Variants in FER observed in about 807,000 individuals in gnomAD.
FER encodes tyrosine-protein kinase Fer.
A neutral mutation model predicts 111.0 loss-of-function variants in FER; 63 were observed. The observed-to-expected ratio is 0.57, with a 90% CI of 0.46 to 0.70. The LOEUF (loss-of-function observed/expected upper bound fraction) is 0.70, where lower values mean the gene tolerates loss of function less well. Among genes scored for constraint, FER ranks in the 30% least tolerant of loss-of-function variants. The probability of loss-of-function intolerance (pLI) is 0.00; values close to 1 mark genes in which losing one functional copy is unlikely to be tolerated. For synonymous variants in FER, 327 were observed against 313.9 expected (o/e 1.04, Z -0.44); for missense variants, 914 against 954.0 (o/e 0.96, Z 0.55).
chr5:108,886,658 C>T (rs1747219444), intron 9 of FER, among the ~76,000 whole-genome samples: 1 of 151,490 alleles, frequency 6.6e-6, no homozygotes, highest in African/African-American at 2.4e-5. Context: ...TTTGCTTGAT[C>T]TTATGATTTT....
chr5:109,188,552 A>G lies in FER; in HGVS notation c.*977A>G, dbSNP rs1446178394. On this transcript the variant is annotated 3_prime_UTR_variant, in exon 20 of 20. Coordinates refer to ENST00000281092, the MANE Select transcript of FER (RefSeq NM_005246.4). The stretch of plus-strand genomic sequence containing the variant: ...AGCTAAAGAATGATTAACAGAGTAA[A>G]GAAGAAAGTGAAAATATAAAACCAC... 1 of 152,092 alleles carries G rather than the reference A, an allele frequency of 6.6e-6. No homozygotes were observed. Among genetic ancestry groups the G allele is most frequent in the Admixed American group, 6.6e-5 (1 of 15,260 alleles). The allele number at this position is 152,092 out of a possible 1,614,324, so 9.4% of individuals were successfully genotyped here.
At chr5:109,071,710 CGGG>C (rs937462364) in intron 16 of FER, among the ~76,000 whole-genome samples, 39 of 151,614 alleles carry the variant, frequency 2.6e-4, no homozygotes, top group Non-Finnish European at 4.6e-4. Context: ...GAAGAGGACA[CGGG>C]GAATTTTTAT....
intron 16 of FER, among the ~76,000 whole-genome samples, chr5:109,050,321 T>C (rs989826686): frequency 6.6e-6 from 1 of 152,132 alleles, no homozygotes; most frequent in Admixed American, 6.5e-5. Context: ...AGGAATTATA[T>C]AATGTAAACA....
intron 5 of FER, among the ~76,000 whole-genome samples, chr5:108,847,818 C>T (rs1050050768): frequency 2.6e-5 from 4 of 152,100 alleles, no homozygotes; most frequent in African/African-American, 7.2e-5. Context: ...TTGATATTAA[C>T]GTAGCCATTC....
At chr5:108,967,759 C>CAAAAAAAAAAAAAAAAAAAAAAAAAAAAA (rs774855414) in intron 13 of FER, among the ~76,000 whole-genome samples, 1 of 34,454 alleles carries the variant, frequency 2.9e-5, no homozygotes. Context: ...GACTCCGTCT[C>CAAAAAAAAAAAAAAAAAAAAAAAAAAAAA]AAAAAAAAAA....
intron 10 of FER, among the ~76,000 whole-genome samples, chr5:108,925,858 A>C (rs1753664431): frequency 6.6e-6 from 1 of 152,028 alleles, no homozygotes; most frequent in Non-Finnish European, 1.5e-5. Context: ...ATTTATAAAA[A>C]TATTAGAGGA....
intron 17 of FER, among the ~76,000 whole-genome samples, chr5:109,101,975 T>G (rs1435282896): frequency 6.6e-6 from 1 of 152,142 alleles, no homozygotes; most frequent in East Asian, 1.9e-4. Context: ...GAAACTTTTT[T>G]TAATTTGTCA....
chr5:108,989,038 C>T (rs955846732), intron 13 of FER, among the ~76,000 whole-genome samples: 16 of 152,154 alleles, frequency 1.1e-4, no homozygotes, highest in South Asian at 4.2e-4. Flanking sequence ...TCATTTGCAA[C>T]GGTCATTCAC....
At chr5:109,107,209 G>A (rs1298162239) in intron 17 of FER, among the ~76,000 whole-genome samples, 1 of 152,042 alleles carries the variant, frequency 6.6e-6, no homozygotes, top group Admixed American at 6.6e-5. Flanking sequence ...AGTACATTTT[G>A]GATTCAGAAT....
At chr5:109,010,073 G>T (rs1581633906) in intron 13 of FER, among the ~76,000 whole-genome samples, 1 of 152,294 alleles carries the variant, frequency 6.6e-6, no homozygotes, top group East Asian at 1.9e-4. Context: ...TTTCAAAGAG[G>T]TACCTGTACT....
intron 10 of FER, among the ~76,000 whole-genome samples, chr5:108,914,681 GA>G (rs1344940412): frequency 6.6e-6 from 1 of 152,188 alleles, no homozygotes; most frequent in Non-Finnish European, 1.5e-5. Flanking sequence ...ACAAGCATGT[GA>G]AATGATACTT....
chr5:108,923,474 T>C (rs1178167317), intron 10 of FER, among the ~76,000 whole-genome samples: 4 of 152,186 alleles, frequency 2.6e-5, no homozygotes, highest in African/African-American at 9.6e-5. Context: ...CTCTTTTCTA[T>C]TTTTCTTATT....
At chr5:109,082,373 T>G (rs1433885738) in intron 16 of FER, among the ~76,000 whole-genome samples, 1 of 151,988 alleles carries the variant, frequency 6.6e-6, no homozygotes, top group African/African-American at 2.4e-5. Flanking sequence ...GCATGTCCTT[T>G]CAGAACACAG....
intron 13 of FER, among the ~76,000 whole-genome samples, chr5:109,014,671 G>A (rs953864871): frequency 6.6e-6 from 1 of 152,078 alleles, no homozygotes; most frequent in South Asian, 2.1e-4. Context: ...ATTACCTTGG[G>A]CAGTATGGCC....
At chr5:108,805,594 A>C (rs1249169220) in intron 3 of FER, among the ~76,000 whole-genome samples, 1 of 152,198 alleles carries the variant, frequency 6.6e-6, no homozygotes, top group East Asian at 1.9e-4. Context: ...AGTGATATGA[A>C]CGAAAAGGTC....
chr5:108,960,548 A>T (rs944447565), intron 13 of FER, among the ~76,000 whole-genome samples: 7 of 150,884 alleles, frequency 4.6e-5, no homozygotes, highest in African/African-American at 1.2e-4. Context: ...TCTATAGCAA[A>T]ATATATATAT....
intron 8 of FER, among the ~76,000 whole-genome samples, chr5:108,872,504 C>T (rs2150249478): frequency 6.6e-6 from 1 of 152,142 alleles, no homozygotes; most frequent in East Asian, 1.9e-4. Context: ...ATTAAAATCT[C>T]ATTTCATCCT....
intron 17 of FER, among the ~76,000 whole-genome samples, chr5:109,124,769 G>A (rs191866106): frequency 7.1e-4 from 108 of 152,060 alleles, no homozygotes; most frequent in African/African-American, 2.4e-3. Flanking sequence ...AAGTTGGGCC[G>A]GGCGCGGTGG....
intron 17 of FER, among the ~76,000 whole-genome samples, chr5:109,107,795 TC>T (rs1749123506): frequency 6.6e-6 from 1 of 152,102 alleles, no homozygotes; most frequent in South Asian, 2.1e-4. Flanking sequence ...CTGCTCATTT[TC>T]CCTTTCACCT....
Sources: allele counts gnomAD v4.1 joint callset (sites outside exome capture counted in the v4.1 genomes callset), GRCh38; gene constraint gnomAD v4.1.1; transcripts MANE v1.5; gene names NCBI Gene and HGNC (gene_info 2026-07-23, HGNC 2026-07-21).